EPB41L4A: variants seen among roughly 807,000 people sequenced by gnomAD.
EPB41L4A encodes the protein band 4.1-like protein 4A.
EPB41L4A carries 100 observed loss-of-function variants against 108.6 expected under a neutral mutation model. The observed-to-expected ratio is 0.92, with a 90% CI of 0.78 to 1.09. The LOEUF is 1.09. Ranked by LOEUF, EPB41L4A falls within the 50% of genes least tolerant of loss-of-function variation. The pLI, the probability that EPB41L4A is intolerant of heterozygous loss-of-function variation, is 0.00. For missense variants in EPB41L4A, 1,030 were observed against 842.7 expected (o/e 1.22, Z -2.75); for synonymous variants, 319 against 289.0 (o/e 1.10, Z -1.05).
chr5:112,234,778 T>C (rs374825017), intron 11 of EPB41L4A, 23 bp from the exon 12 acceptor site: 8 of 1,603,394 alleles, frequency 5.0e-6, no homozygotes, highest in African/African-American at 2.7e-5. Flanking sequence ...ACATTTTGAT[T>C]AGCAAAGGTA....
At chr5:112,373,706 C>T (rs756608830) in intron 1 of EPB41L4A, among the ~76,000 whole-genome samples, 28 of 152,156 alleles carry the variant, frequency 1.8e-4, no homozygotes, top group Non-Finnish European at 3.1e-4. Context: ...GGCTGCAGTC[C>T]CCACTTTTGA....
intron 18 of EPB41L4A, among the ~76,000 whole-genome samples, chr5:112,180,432 T>C (rs1202458211): frequency 6.6e-6 from 1 of 152,102 alleles, no homozygotes; most frequent in Non-Finnish European, 1.5e-5. Flanking sequence ...GTCAATTCAC[T>C]TTCAACAAAG....
intron 1 of EPB41L4A, among the ~76,000 whole-genome samples, chr5:112,337,351 T>C (rs1340875468): frequency 2.0e-5 from 3 of 152,208 alleles, no homozygotes; most frequent in Non-Finnish European, 2.9e-5. Flanking sequence ...ATCCCCTATG[T>C]CAAACGTTTG....
chr5:112,151,467 G>C (rs1214387031), intron 12 of EPB41L4A, among the ~76,000 whole-genome samples: 6 of 151,572 alleles, frequency 4.0e-5, no homozygotes, highest in Non-Finnish European at 8.8e-5. Context: ...GAGTGCAGTG[G>C]TGCAATCTTA....
At chr5:112,250,063 G>GT in intron 9 of EPB41L4A, among the ~76,000 whole-genome samples, 1 of 151,976 alleles carries the variant, frequency 6.6e-6, no homozygotes, top group East Asian at 1.9e-4. Context: ...ATATGGTTAC[G>GT]TATTTTTTAA....
At chr5:112,197,992 C>CTT (rs1299298736) in intron 15 of EPB41L4A, among the ~76,000 whole-genome samples, 1 of 152,170 alleles carries the variant, frequency 6.6e-6, no homozygotes, top group Admixed American at 6.5e-5. Flanking sequence ...GGCAATACTT[C>CTT]TTTGCCTTCT....
chr5:112,256,773 G>A (rs1751126080), intron 9 of EPB41L4A: 1 of 152,226 alleles, frequency 6.6e-6, no homozygotes, highest in Non-Finnish European at 1.5e-5. Context: ...CACTGATAGG[G>A]TGAAATCTAG....
At chr5:112,250,484 T>C (rs1750583413) in intron 9 of EPB41L4A, 1 of 152,206 alleles carries the variant, frequency 6.6e-6, no homozygotes, top group African/African-American at 2.4e-5. Flanking sequence ...ATTGATTTAA[T>C]TTTTGTTTTA....
intron 1 of EPB41L4A, among the ~76,000 whole-genome samples, chr5:112,317,525 G>A (rs534637058): frequency 1.3e-5 from 2 of 152,268 alleles, no homozygotes; most frequent in African/African-American, 4.8e-5. Context: ...AGGCTGGAGG[G>A]CCTAGAGACC....
chr5:112,306,811 A>ATATT (rs1754713057), intron 2 of EPB41L4A, among the ~76,000 whole-genome samples: 1 of 147,020 alleles, frequency 6.8e-6, no homozygotes, highest in African/African-American at 2.6e-5. Flanking sequence ...TCTACTCCGG[A>ATATT]CTGGAAGACC....
chr5:112,240,307 T>A (rs149203186), intron 10 of EPB41L4A, among the ~76,000 whole-genome samples: 1 of 152,186 alleles, frequency 6.6e-6, no homozygotes, highest in African/African-American at 2.4e-5. Context: ...TTCATCAACT[T>A]TGGTCTTTCC....
At chr5:112,317,005 G>A (rs1406860181) in intron 1 of EPB41L4A, among the ~76,000 whole-genome samples, 1 of 152,186 alleles carries the variant, frequency 6.6e-6, no homozygotes, top group African/African-American at 2.4e-5. Flanking sequence ...ATCTGGCACA[G>A]CATCAGTCTT....
At position 112,262,509 on chromosome 5, in the gene EPB41L4A, GT is replaced by G. The variant is rs748953761; in HGVS notation, c.626del (p.Asp209AlafsTer15). ...TGTTACTCACATAGACGGGATGGAG[GT>G]CAACGCCATACATCTCCAGGGATTT... ...TAKSLEMYGV[D>X]LHPVYGENKS... On this transcript the variant is annotated frameshift_variant, in exon 7 of 23. Coordinates refer to ENST00000261486, the MANE Select transcript of EPB41L4A (RefSeq NM_022140.5). LOFTEE classifies it high-confidence loss of function. 5 of 1,613,664 alleles carry G rather than the reference GT, an allele frequency of 3.1e-6. No individual in the cohort carries two copies. In the African/African-American group the frequency reaches 6.7e-5, roughly 22 times the overall value.
chr5:112,291,139 T>G (rs1753611630), intron 2 of EPB41L4A, among the ~76,000 whole-genome samples: 1 of 152,130 alleles, frequency 6.6e-6, no homozygotes, highest in Non-Finnish European at 1.5e-5. Context: ...ACCAGCTCCC[T>G]ATCACTCCTC....
At chr5:112,249,453 G>C (rs1356920531) in intron 9 of EPB41L4A, 3 of 152,170 alleles carry the variant, frequency 2.0e-5, no homozygotes, top group Non-Finnish European at 1.5e-5. Context: ...TTACAAAATT[G>C]TAAGTCTTTT....
chr5:112,408,875 T>C (rs1027913083), intron 1 of EPB41L4A, among the ~76,000 whole-genome samples: 19 of 151,938 alleles, frequency 1.3e-4, no homozygotes, highest in African/African-American at 4.6e-4. Context: ...AGAACCCTTA[T>C]ACATAATGAT....
At chr5:112,198,632 G>C (rs1308738946) in intron 15 of EPB41L4A, among the ~76,000 whole-genome samples, 1 of 151,876 alleles carries the variant, frequency 6.6e-6, no homozygotes, top group Non-Finnish European at 1.5e-5. Context: ...TTGAATGTTT[G>C]ATATCTAGGT....
intron 12 of EPB41L4A, among the ~76,000 whole-genome samples, chr5:112,149,541 T>C (rs115576822): frequency 1.3e-5 from 2 of 152,358 alleles, no homozygotes; most frequent in African/African-American, 2.4e-5. Flanking sequence ...GTTACGTTTA[T>C]ACATAGCTTG....
chr5:112,358,072 C>G lies in EPB41L4A; in HGVS notation c.100-50582G>C, dbSNP rs186632635. Among the ~76,000 whole-genome samples, 16 of 152,358 alleles carry G rather than the reference C, an allele frequency of 1.1e-4. No individual in the cohort carries two copies. In the East Asian group the frequency reaches 2.9e-3, roughly 28 times the overall value. Reference sequence around the variant, plus strand: ...TTCTTCTCATGAACGCTGACCTGGCCTTTGCCAACAATGAGTGCCTGATCT... The same window carrying G: ...TTCTTCTCATGAACGCTGACCTGGCGTTTGCCAACAATGAGTGCCTGATCT... On this transcript the variant is annotated intron_variant, in intron 1 of 22. Coordinates refer to ENST00000261486, the MANE Select transcript of EPB41L4A (RefSeq NM_022140.5).
Sources: allele counts gnomAD v4.1 joint callset (sites outside exome capture counted in the v4.1 genomes callset), GRCh38; gene constraint gnomAD v4.1.1; transcripts MANE v1.5; gene names NCBI Gene and HGNC (gene_info 2026-07-23, HGNC 2026-07-21).